ARHGEF10L: variants seen among roughly 807,000 people sequenced by gnomAD.
The protein encoded by ARHGEF10L is Rho guanine nucleotide exchange factor 10 like.
Under a neutral mutation model 141.2 loss-of-function variants are expected in ARHGEF10L, and 69 were observed. That is an observed-to-expected ratio of 0.49 (90% CI 0.40 to 0.60). The LOEUF (loss-of-function observed/expected upper bound fraction) is 0.60, where lower values mean the gene tolerates loss of function less well. Ranked by LOEUF, ARHGEF10L falls within the 20% of genes least tolerant of loss-of-function variation. The pLI is 0.00. For missense variants in ARHGEF10L, 1,482 were observed against 1,734.3 expected (o/e 0.85, Z 2.58); for synonymous variants, 711 against 718.5 (o/e 0.99, Z 0.17).
chr1:17,656,558 C>T lies in ARHGEF10L; in HGVS notation c.2710C>T (p.Leu904Phe). Residue 904 changes from leucine to phenylalanine, a missense_variant, in exon 25 of 29, where the codon CTC becomes TTC. Physicochemically the swap from Leu to Phe is conservative, Grantham distance 22 (BLOSUM62 0). Coordinates refer to ENST00000361221, the MANE Select transcript of ARHGEF10L (RefSeq NM_018125.4). This position sits in a 1 kb window ranked among gnomAD's most constrained non-coding sequence, Gnocchi z 4.9. ...TTCTCCAACCTCTCCCCGCAGCATC[C>T]TCCTCTACAGCAGTGTGGACACTGG... ...ICLGLQDGSI[L>F]LYSSVDTGTQ... The T allele has an allele frequency of 6.2e-7, 1 of 1,610,484 alleles. No individual in the cohort carries two copies. Among genetic ancestry groups the T allele is most frequent in the Non-Finnish European group, 8.5e-7 (1 of 1,177,768 alleles).
At chr1:17,686,008 A>G (rs1490260247) in intron 26 of ARHGEF10L, among the ~76,000 whole-genome samples, 1 of 152,198 alleles carries the variant, frequency 6.6e-6, no homozygotes, top group Non-Finnish European at 1.5e-5. Flanking sequence ...AGTAAGCCTC[A>G]GGGTGCAGCT....
In ARHGEF10L at chr1:17,655,871, G is replaced by T; in HGVS notation, c.2482-8G>T. On this transcript the variant is annotated splice_polypyrimidine_tract_variant and splice_region_variant and intron_variant, in intron 23 of 28. Coordinates refer to ENST00000361221, the MANE Select transcript of ARHGEF10L (RefSeq NM_018125.4). ...CACCTGATGGCCTCTCTGGGTCTCTGCTCCCAGGTCGGGGGCGGACAGGAA... is the reference window on the plus strand; with the variant it reads ...CACCTGATGGCCTCTCTGGGTCTCTTCTCCCAGGTCGGGGGCGGACAGGAA... 6.4e-7 allele frequency: 1 copy of T among 1,551,490 alleles called. No homozygotes were observed. Among genetic ancestry groups the T allele is most frequent in the East Asian group, 2.4e-5 (1 of 41,562 alleles).
chr1:17,658,816 T>C (rs1285066843), intron 25 of ARHGEF10L, among the ~76,000 whole-genome samples: 1 of 151,636 alleles, frequency 6.6e-6, no homozygotes, highest in Admixed American at 6.6e-5. Flanking sequence ...ACTGCCCAAG[T>C]GTGGGGCAAG....
intron 25 of ARHGEF10L, 92 bp from the exon 26 acceptor site, chr1:17,664,355 G>C (rs2062834090): frequency 7.1e-7 from 1 of 1,400,432 alleles, no homozygotes; most frequent in African/African-American, 1.4e-5. Flanking sequence ...GGGTGTGGGG[G>C]GCCCTGCTGA....
intron 25 of ARHGEF10L, among the ~76,000 whole-genome samples, chr1:17,660,558 C>G (rs2062558685): frequency 6.6e-6 from 1 of 152,220 alleles, no homozygotes; most frequent in Non-Finnish European, 1.5e-5. Flanking sequence ...AGGGGCTGCC[C>G]TTTGGGCCCC....
chr1:17,645,176 G>A (rs1013248849), intron 21 of ARHGEF10L, among the ~76,000 whole-genome samples: 1 of 152,202 alleles, frequency 6.6e-6, no homozygotes, highest in African/African-American at 2.4e-5. Flanking sequence ...CGGTTCTGCA[G>A]TCGGTGCCAG....
rs183238446 is a variant in ARHGEF10L at position 17,693,688 on chromosome 1, C to T, written c.3185-1470C>T. Among the ~76,000 whole-genome samples the T allele has an allele frequency of 8.5e-5, 13 of 152,252 alleles. No homozygotes were observed. The South Asian group carries it at 2.3e-3, about 27-fold the overall frequency. On this transcript the variant is annotated intron_variant, in intron 27 of 28. Coordinates refer to ENST00000361221, the MANE Select transcript of ARHGEF10L (RefSeq NM_018125.4). ...GGGGCCGGCATTTGTGTCTTGCATA[C>T]GTCTTGGCTGTTGCAAGCCTTGTGT...
intron 22 of ARHGEF10L, among the ~76,000 whole-genome samples, chr1:17,653,334 G>A (rs959717666): frequency 3.3e-5 from 5 of 152,228 alleles, no homozygotes; most frequent in African/African-American, 1.2e-4. Flanking sequence ...TCCTGGCACA[G>A]GCAAGACATT....
At chr1:17,551,217 C>T (rs2100719163) in intron 1 of ARHGEF10L, among the ~76,000 whole-genome samples, 1 of 152,236 alleles carries the variant, frequency 6.6e-6, no homozygotes, top group Non-Finnish European at 1.5e-5. Context: ...TTACTAAGCA[C>T]CTACTGAATG....
At chr1:17,552,085 A>T (rs138758182) in intron 1 of ARHGEF10L, among the ~76,000 whole-genome samples, 1 of 152,164 alleles carries the variant, frequency 6.6e-6, no homozygotes, top group African/African-American at 2.4e-5. Context: ...TTCCTCCCCA[A>T]TGAGTGATGG....
At chr1:17,616,363 G>A (rs900208689) in intron 9 of ARHGEF10L, among the ~76,000 whole-genome samples, 161 bp downstream of exon 9, 6 of 152,202 alleles carry the variant, frequency 3.9e-5, no homozygotes, top group Non-Finnish European at 8.8e-5. Context: ...CAAATATCCT[G>A]GTAGGTCCCA....
At chr1:17,657,604 C>T (rs1333800910) in intron 25 of ARHGEF10L, among the ~76,000 whole-genome samples, 1 of 152,062 alleles carries the variant, frequency 6.6e-6, no homozygotes, top group Non-Finnish European at 1.5e-5. Context: ...GATATTTGTA[C>T]TGAGCTAATT....
intron 1 of ARHGEF10L, among the ~76,000 whole-genome samples, chr1:17,564,501 C>T (rs937182506): frequency 6.6e-6 from 1 of 152,170 alleles, no homozygotes; most frequent in African/African-American, 2.4e-5. Context: ...CCTGAGTGTA[C>T]CCCAGCAGCA....
intron 26 of ARHGEF10L, among the ~76,000 whole-genome samples, chr1:17,670,209 T>C (rs984659924): frequency 1.7e-4 from 26 of 152,254 alleles, no homozygotes; most frequent in Non-Finnish European, 4.4e-5. Context: ...CTGCGCCTTG[T>C]CCAGCTGGTC....
At chr1:17,640,845 C>A (rs149011155) in intron 21 of ARHGEF10L, among the ~76,000 whole-genome samples, 1 of 152,150 alleles carries the variant, frequency 6.6e-6, no homozygotes, top group Non-Finnish European at 1.5e-5. Context: ...CCTGTGCACC[C>A]CATGGTATGA....
chr1:17,525,860 AGGTGTG>A, the ARHGEF10L span, among the ~76,000 whole-genome samples: 3 of 151,466 alleles, frequency 2.0e-5, no homozygotes, highest in African/African-American at 7.3e-5. Flanking sequence ...AAAATTAGCC[AGGTGTG>A]GTGGCGTGCG....
intron 22 of ARHGEF10L, among the ~76,000 whole-genome samples, chr1:17,650,022 G>A (rs2061823784): frequency 1.3e-5 from 2 of 152,302 alleles, no homozygotes; most frequent in Middle Eastern, 3.4e-3. Flanking sequence ...CTTGGAAACA[G>A]ATGTTTCCCA....
rs540236687 is a variant in ARHGEF10L, at chr1:17,600,709, C to T, written c.258-1418C>T. Among the ~76,000 whole-genome samples the T allele has an allele frequency of 3.3e-5, 5 of 152,220 alleles. No individual in the cohort carries two copies. The South Asian group carries it at 6.2e-4, about 19-fold the overall frequency. On this transcript the variant is annotated intron_variant, in intron 4 of 28. Coordinates refer to ENST00000361221, the MANE Select transcript of ARHGEF10L (RefSeq NM_018125.4). The stretch of plus-strand genomic sequence containing the variant: ...CATGTCTCTGTAGCCTGCTCCAGCC[C>T]GTGGCAGTTTCTCAGTCTTTCCTTG...
rs559414104 is a variant in ARHGEF10L, at chr1:17,674,834, C to T, written c.3009+10239C>T. Among the ~76,000 whole-genome samples the T allele has an allele frequency of 3.3e-5, 5 of 152,222 alleles. No individual in the cohort carries two copies. The East Asian group carries it at 7.7e-4, about 23-fold the overall frequency. ...TACAGTCGCCTGCAGTGTTCAGTAC[C>T]GTCTCATGCTGTACGGGTATGAGGC... On this transcript the variant is annotated intron_variant, in intron 26 of 28. Coordinates refer to ENST00000361221, the MANE Select transcript of ARHGEF10L (RefSeq NM_018125.4).
Sources: gnomAD v4.1 joint callset for allele counts (sites outside exome capture counted in the v4.1 genomes callset) on GRCh38, gnomAD v4.1.1 for gene constraint, Gnocchi (gnomAD v3.1) non-coding constraint, MANE v1.5 for transcripts, NCBI Gene and HGNC (gene_info 2026-07-23, HGNC 2026-07-21) for gene names.